Variants in TRAF3IP2 observed in about 807,000 individuals in gnomAD.
TRAF3IP2 encodes TRAF3 interacting protein 2.
In TRAF3IP2, 35 loss-of-function variants were observed where a neutral mutation model predicts 57.9. That is an observed-to-expected ratio of 0.60 (90% CI 0.46 to 0.80). TRAF3IP2 has a LOEUF of 0.80. Ranked by LOEUF, TRAF3IP2 falls within the 30% of genes least tolerant of loss-of-function variation. The probability of loss-of-function intolerance (pLI) is 0.00; values close to 1 mark genes in which losing one functional copy is unlikely to be tolerated. For synonymous variants in TRAF3IP2, 251 were observed against 268.9 expected (o/e 0.93, Z 0.65); for missense variants, 556 against 706.4 (o/e 0.79, Z 2.41).
chr6:111,564,531 G>C (rs1276283891), intron 7 of TRAF3IP2, among the ~76,000 whole-genome samples: 1 of 152,152 alleles, frequency 6.6e-6, no homozygotes, highest in Non-Finnish European at 1.5e-5. Flanking sequence ...GTATGATGCA[G>C]TTACTCATCA....
rs560774924 is a variant in TRAF3IP2 at position 111,586,914 on chromosome 6, G to C, written c.829+4344C>G. The C allele has an allele frequency of 2.0e-5, 3 of 152,280 alleles. No individual in the cohort carries two copies. The East Asian group carries it at 5.8e-4, about 29-fold the overall frequency. The allele number at this position is 152,280 out of a possible 1,614,324, so 9.4% of individuals were successfully genotyped here. On this transcript the variant is annotated intron_variant, in intron 2 of 8. Transcript: ENST00000368761. ...TAAATAATAACAATAATAACTAAAA[G>C]CTGTTAGTATTGAGGGCTTACCACC...
intron 5 of TRAF3IP2, among the ~76,000 whole-genome samples, chr6:111,572,081 T>C (rs1795849919): frequency 6.6e-6 from 1 of 152,174 alleles, no homozygotes; most frequent in Non-Finnish European, 1.5e-5. Flanking sequence ...CACCACTCTC[T>C]AGAATTCACT....
chr6:111,555,926 A>G lies in TRAF3IP2; in HGVS notation c.*3479T>C, dbSNP rs1009081476. On this transcript the variant is annotated 3_prime_UTR_variant, in exon 9 of 9. Coordinates refer to ENST00000368761, the MANE Select transcript of TRAF3IP2 (RefSeq NM_147686.4). Reference sequence around the variant, plus strand: ...AGACCATCCTGGCTAACACGGTGAAACCCCGTCTCTACTAAAAATACAAAA... The same window carrying G: ...AGACCATCCTGGCTAACACGGTGAAGCCCCGTCTCTACTAAAAATACAAAA... Among the ~76,000 whole-genome samples, 1 of 151,892 alleles carries G rather than the reference A, an allele frequency of 6.6e-6. No individual in the cohort carries two copies. The highest frequency in any genetic ancestry group is 1.5e-5 in the Non-Finnish European group (1 of 67,990).
chr6:111,565,063 G>A (rs1046163488), intron 7 of TRAF3IP2, among the ~76,000 whole-genome samples: 2 of 152,188 alleles, frequency 1.3e-5, no homozygotes, highest in Non-Finnish European at 2.9e-5. Context: ...ACCAGAAGAG[G>A]AGGGAGCCTT....
At position 111,566,490 on chromosome 6, in the gene TRAF3IP2, A is replaced by T. The variant is rs1795639478; in HGVS notation, c.1430T>A (p.Leu477Gln). The T allele has an allele frequency of 5.0e-6, 8 of 1,614,208 alleles. No homozygotes were observed. The East Asian group carries it at 1.8e-4, about 36-fold the overall frequency. Residue 477 changes from leucine (L) to glutamine (Q), a missense_variant, in exon 7 of 9, where the codon CTG becomes CAG. By Grantham distance (113) the Leu-to-Gln change is moderately radical. Coordinates refer to ENST00000368761, the MANE Select transcript of TRAF3IP2 (RefSeq NM_147686.4). The stretch of plus-strand genomic sequence containing the variant: ...ATGTAAGCCATGCTCATCCTCGTCC[A>T]GCTGCGACTCAGCGCCTTCCACGTC... ...KQDVEGAESQ[L>Q]DEDEHGLHTK...
At chr6:111,589,069 ATC>A (rs1466536909) in intron 2 of TRAF3IP2, among the ~76,000 whole-genome samples, 5 of 113,108 alleles carry the variant, frequency 4.4e-5, no homozygotes, top group Non-Finnish European at 7.4e-5. Flanking sequence ...CAGAAAAATT[ATC>A]TTTTTTTTTT....
intron 1 of TRAF3IP2, among the ~76,000 whole-genome samples, chr6:111,598,723 T>C (rs985662617): frequency 6.6e-6 from 1 of 152,194 alleles, no homozygotes; most frequent in Non-Finnish European, 1.5e-5. Context: ...CATTTTATAC[T>C]ATTTAAGTTT....
chr6:111,590,115 A>G (rs182453311), intron 2 of TRAF3IP2, among the ~76,000 whole-genome samples: 11 of 152,342 alleles, frequency 7.2e-5, no homozygotes, highest in African/African-American at 2.6e-4. Flanking sequence ...AGAACCTTTT[A>G]TCTCAACCTA....
intron 2 of TRAF3IP2, among the ~76,000 whole-genome samples, chr6:111,585,397 TC>T (rs568432885): frequency 8.8e-4 from 134 of 151,998 alleles, no homozygotes; most frequent in Non-Finnish European, 1.7e-3. Context: ...TGATTAAGGC[TC>T]ACTCCTTTCC....
chr6:111,561,259 G>T lies in TRAF3IP2; in HGVS notation c.1551+1706C>A, dbSNP rs571418506. Among the ~76,000 whole-genome samples the T allele has an allele frequency of 8.0e-4, 122 of 151,864 alleles. 2 individuals carry two copies. In the South Asian group the frequency reaches 0.025, roughly 31 times the overall value. On this transcript the variant is annotated intron_variant, in intron 8 of 8. Coordinates refer to ENST00000368761, the MANE Select transcript of TRAF3IP2 (RefSeq NM_147686.4). ...GAACAAGACCATCCTGGCCAACATG[G>T]TGAAACCCCATCTCCACTAAAAATA...
intron 1 of TRAF3IP2, among the ~76,000 whole-genome samples, chr6:111,594,960 G>A (rs73534586): frequency 0.056 from 8,547 of 152,276 alleles, 255 homozygotes; most frequent in Middle Eastern, 0.082. Context: ...GGCCAGGCGC[G>A]GTGGCTAATG....
intron 1 of TRAF3IP2, among the ~76,000 whole-genome samples, chr6:111,602,803 G>A (rs1251338951): frequency 6.6e-6 from 1 of 152,156 alleles, no homozygotes; most frequent in Non-Finnish European, 1.5e-5. Flanking sequence ...GGGAAACAAT[G>A]AGGCAGCGGA....
intron 5 of TRAF3IP2, among the ~76,000 whole-genome samples, chr6:111,568,364 T>C (rs996218872): frequency 3.9e-5 from 6 of 152,070 alleles, no homozygotes; most frequent in Non-Finnish European, 8.8e-5. Flanking sequence ...AGGAGAAAGA[T>C]CAGTTATTTT....
rs1453814534 is a variant in TRAF3IP2 at position 111,556,809 on chromosome 6, T to G, written c.*2596A>C. 5.3e-5 allele frequency: 8 copies of G among 152,310 alleles called. No individual in the cohort carries two copies. The highest frequency in any genetic ancestry group is 1.7e-4 in the African/African-American group (7 of 41,568). 9.4% of individuals were successfully genotyped at this position (152,310 alleles called of 1,614,324 possible). A position where few individuals can be genotyped will look rare whatever the true frequency, so the allele number is the denominator to read the frequency against. On this transcript the variant is annotated 3_prime_UTR_variant, in exon 9 of 9. Coordinates refer to ENST00000368761, the MANE Select transcript of TRAF3IP2 (RefSeq NM_147686.4). ...TTCTTATTTATAGTTGACAAGTATTTGTCCTTTCCCTGTGCTACATATAAG... is the reference window on the plus strand; with the variant it reads ...TTCTTATTTATAGTTGACAAGTATTGGTCCTTTCCCTGTGCTACATATAAG...
chr6:111,567,705 A>T lies in TRAF3IP2; in HGVS notation c.1291-13T>A, dbSNP rs1795698276. ...CAAATATGTCAATCTGCAAAAAAAA[A>T]GATGTGGGAGTTGGCCCTTAATGAG... On this transcript the variant is annotated splice_polypyrimidine_tract_variant and intron_variant, in intron 5 of 8. Coordinates refer to ENST00000368761, the MANE Select transcript of TRAF3IP2 (RefSeq NM_147686.4). 1.9e-6 allele frequency: 3 copies of T among 1,600,260 alleles called. No individual in the cohort carries two copies. The highest frequency in any genetic ancestry group is 2.6e-6 in the Non-Finnish European group (3 of 1,174,734).
intron 2 of TRAF3IP2, among the ~76,000 whole-genome samples, chr6:111,585,006 A>C (rs892694004): frequency 6.6e-6 from 1 of 152,188 alleles, no homozygotes; most frequent in African/African-American, 2.4e-5. Flanking sequence ...TGCTTTTGGT[A>C]TCTTAATGAC....
chr6:111,581,952 T>C (rs903243420), intron 2 of TRAF3IP2, among the ~76,000 whole-genome samples: 2 of 152,214 alleles, frequency 1.3e-5, no homozygotes, highest in Non-Finnish European at 2.9e-5. Flanking sequence ...AACTCCAGCC[T>C]GGGCAACAGG....
intron 1 of TRAF3IP2, chr6:111,599,976 G>C (rs1330927806): frequency 6.6e-6 from 1 of 152,192 alleles, no homozygotes; most frequent in African/African-American, 2.4e-5. Context: ...CCCTGTGCCG[G>C]CTAGCTGCAT....
At chr6:111,601,035 A>C in intron 1 of TRAF3IP2, 2 of 540,270 alleles carry the variant, frequency 3.7e-6, no homozygotes. Flanking sequence ...CAGAGCTGTG[A>C]TTCAAATATA....
Sources: allele counts gnomAD v4.1 joint callset (sites outside exome capture counted in the v4.1 genomes callset), GRCh38; gene constraint gnomAD v4.1.1; transcripts MANE v1.5; gene names NCBI Gene and HGNC (gene_info 2026-07-23, HGNC 2026-07-21).